NR6A1: variants seen among roughly 807,000 people sequenced by gnomAD.
The protein encoded by NR6A1 is nuclear receptor subfamily 6 group A member 1.
Under a neutral mutation model 59.1 loss-of-function variants are expected in NR6A1, and 7 were observed. The ratio of observed to expected loss-of-function variants is 0.12; its 90% confidence interval spans 0.07 to 0.22. The LOEUF (loss-of-function observed/expected upper bound fraction) is 0.22, where lower values mean the gene tolerates loss of function less well. NR6A1 is among the 10% of genes least tolerant of loss of function. NR6A1 has a pLI of 1.00. For synonymous variants in NR6A1, 243 were observed against 236.1 expected (o/e 1.03, Z -0.27); for missense variants, 468 against 611.6 (o/e 0.77, Z 2.48).
At chr9:124,593,818 A>G (rs1835197598) in intron 2 of NR6A1, among the ~76,000 whole-genome samples, 1 of 151,930 alleles carries the variant, frequency 6.6e-6, no homozygotes, top group African/African-American at 2.4e-5. Flanking sequence ...TCTGTTATTG[A>G]TCCTTACAGA....
intron 2 of NR6A1, among the ~76,000 whole-genome samples, chr9:124,693,097 T>C (rs1181350659): frequency 4.6e-5 from 7 of 152,190 alleles, no homozygotes; most frequent in Non-Finnish European, 5.9e-5. Flanking sequence ...CATATGCTTA[T>C]TTAAATGTTT....
intron 2 of NR6A1, among the ~76,000 whole-genome samples, chr9:124,715,497 C>T (rs1347815964): frequency 2.0e-5 from 3 of 152,072 alleles, no homozygotes; most frequent in African/African-American, 7.2e-5. Flanking sequence ...GATTGCACCA[C>T]TGTACTCCAG....
At chr9:124,685,363 C>T (rs990399685) in intron 2 of NR6A1, among the ~76,000 whole-genome samples, 8 of 152,194 alleles carry the variant, frequency 5.3e-5, no homozygotes, top group African/African-American at 1.9e-4. Context: ...CTCACTCCGT[C>T]GCCCAGGCTG....
intron 2 of NR6A1, among the ~76,000 whole-genome samples, chr9:124,556,460 ATTT>A (rs111855786): frequency 7.2e-6 from 1 of 138,158 alleles, no homozygotes. Flanking sequence ...AGGGATACTG[ATTT>A]TTTTTTTTTT....
chr9:124,728,696 A>G (rs1839799602), intron 2 of NR6A1, among the ~76,000 whole-genome samples: 1 of 151,222 alleles, frequency 6.6e-6, no homozygotes, highest in Admixed American at 6.6e-5. Context: ...CACTTGAGAG[A>G]AAATGCTTGG....
intron 4 of NR6A1, among the ~76,000 whole-genome samples, chr9:124,543,136 T>C (rs1289216298): frequency 6.6e-6 from 1 of 152,214 alleles, no homozygotes; most frequent in Non-Finnish European, 1.5e-5. Flanking sequence ...TGCAGCCTAA[T>C]TGAACAAACT....
At chr9:124,621,051 A>G (rs1236794526) in intron 2 of NR6A1, among the ~76,000 whole-genome samples, 2 of 152,224 alleles carry the variant, frequency 1.3e-5, no homozygotes, top group South Asian at 2.1e-4. Context: ...TCGAAACACA[A>G]CTAACTCAAT....
In NR6A1 at chr9:124,566,836, C is replaced by T. The variant is rs555260646; in HGVS notation, c.143-12266G>A. ...GTTTAAAGAGAGGACAGGCCGGGCG[C>T]GGTGGCTCACGCCTGTAATCCCAGC... On this transcript the variant is annotated intron_variant, in intron 2 of 9. Coordinates refer to ENST00000487099, the MANE Select transcript of NR6A1 (RefSeq NM_033334.4). Among the ~76,000 whole-genome samples the T allele has an allele frequency of 1.1e-3, 168 of 152,284 alleles. 1 individual carries two copies. The highest frequency in any genetic ancestry group is 3.8e-3 in the African/African-American group (158 of 41,574).
intron 2 of NR6A1, among the ~76,000 whole-genome samples, chr9:124,570,898 T>C (rs1370066132): frequency 6.6e-6 from 1 of 152,226 alleles, no homozygotes; most frequent in African/African-American, 2.4e-5. Context: ...CAGACATTGA[T>C]TATTTAAAAT....
At chr9:124,734,503 G>A (rs1451875272) in intron 1 of NR6A1, among the ~76,000 whole-genome samples, 1 of 152,178 alleles carries the variant, frequency 6.6e-6, no homozygotes, top group Non-Finnish European at 1.5e-5. Context: ...GACCAGCCTG[G>A]CCAACAGGGT....
In NR6A1 at chr9:124,625,350, T is replaced by C. The variant is rs116201100; in HGVS notation, c.143-70780A>G. ...AGCAATAGTGTTATTATTATTGAGA[T>C]AGTGTCTCGCTTTGCCACCCAGGCT... On this transcript the variant is annotated intron_variant, in intron 2 of 9. Transcript: ENST00000487099. Among the ~76,000 whole-genome samples, 298 of 152,306 alleles carry C rather than the reference T, an allele frequency of 2.0e-3. 3 individuals carry two copies. The highest frequency in any genetic ancestry group is 6.9e-3 in the African/African-American group (286 of 41,568).
intron 2 of NR6A1, among the ~76,000 whole-genome samples, chr9:124,589,893 C>T (rs898580379): frequency 2.6e-5 from 4 of 151,672 alleles, no homozygotes; most frequent in East Asian, 3.9e-4. Flanking sequence ...GGTGAAATCC[C>T]GTCTCTACTA....
At chr9:124,645,956 A>G (rs1248739051) in intron 2 of NR6A1, among the ~76,000 whole-genome samples, 1 of 152,236 alleles carries the variant, frequency 6.6e-6, no homozygotes, top group Non-Finnish European at 1.5e-5. Context: ...AAACTAGCAT[A>G]ACAGAAAGAT....
At chr9:124,603,312 G>C (rs1454135068) in intron 2 of NR6A1, among the ~76,000 whole-genome samples, 1 of 152,086 alleles carries the variant, frequency 6.6e-6, no homozygotes, top group Non-Finnish European at 1.5e-5. Flanking sequence ...TGTGGGTGGG[G>C]TACAGTTCTT....
chr9:124,597,600 C>T (rs866734415), intron 2 of NR6A1, among the ~76,000 whole-genome samples: 6 of 152,168 alleles, frequency 3.9e-5, no homozygotes, highest in East Asian at 1.9e-4. Context: ...CTGAAGCAGA[C>T]GCCTTGATTT....
intron 2 of NR6A1, among the ~76,000 whole-genome samples, chr9:124,697,992 T>C (rs990469791): frequency 1.3e-5 from 2 of 152,182 alleles, no homozygotes; most frequent in Non-Finnish European, 2.9e-5. Context: ...GCATGTGTTG[T>C]GTGTGTGTTT....
chr9:124,609,278 T>C (rs948761963), intron 2 of NR6A1, among the ~76,000 whole-genome samples: 1 of 152,204 alleles, frequency 6.6e-6, no homozygotes, highest in East Asian at 1.9e-4. Context: ...CTTGAGTTGA[T>C]TTTTGTCTAT....
intron 3 of NR6A1, among the ~76,000 whole-genome samples, chr9:124,552,220 A>G (rs1833798484): frequency 6.6e-6 from 1 of 152,206 alleles, no homozygotes; most frequent in African/African-American, 2.4e-5. Context: ...GAGGGCAACA[A>G]AGGGAGATGA....
rs887718094 is a variant in NR6A1, at chr9:124,517,569, A to G, written c.*5136T>C. ...CGTTTCCTCGATTCCTACACACAGG[A>G]CTGTGGGTGGAGGTGGACCTAGGGC... On this transcript the variant is annotated 3_prime_UTR_variant, in exon 10 of 10. Coordinates refer to ENST00000487099, the MANE Select transcript of NR6A1 (RefSeq NM_033334.4). The G allele has an allele frequency of 6.6e-6, 1 of 152,202 alleles. No individual in the cohort carries two copies. Among genetic ancestry groups the G allele is most frequent in the African/African-American group, 2.4e-5 (1 of 41,424 alleles). 9.4% of individuals were successfully genotyped at this position (152,202 alleles called of 1,614,324 possible). A position where few individuals can be genotyped will look rare whatever the true frequency, so the allele number is the denominator to read the frequency against.
Sources: allele counts gnomAD v4.1 joint callset (sites outside exome capture counted in the v4.1 genomes callset), GRCh38; gene constraint gnomAD v4.1.1; transcripts MANE v1.5; gene names NCBI Gene and HGNC (gene_info 2026-07-23, HGNC 2026-07-21).